The following PRIM2 variants were observed in gnomAD, a reference collection of about 807,000 sequenced individuals.
PRIM2 encodes DNA primase large subunit.
Under a neutral mutation model 67.3 loss-of-function variants are expected in PRIM2, and 39 were observed. The observed-to-expected ratio is 0.58, with a 90% CI of 0.45 to 0.76. The LOEUF (loss-of-function observed/expected upper bound fraction) is 0.76, where lower values mean the gene tolerates loss of function less well. PRIM2 is among the 30% of genes least tolerant of loss of function. The pLI is 0.00. For missense variants in PRIM2, 398 were observed against 598.7 expected, an observed-to-expected ratio of 0.66 and a Z score of 3.50; for synonymous variants, 143 against 198.7, an observed-to-expected ratio of 0.72 and a Z score of 2.36.
At chr6:57,291,402 G>A in the PRIM2 span, among the ~76,000 whole-genome samples, 47 of 152,220 alleles carry the variant, frequency 3.1e-4, 1 homozygote, top group East Asian at 7.7e-3. Context: ...ATTCACAGCC[G>A]AATTCTACCA....
chr6:57,524,019 G>A (rs1334752063), intron 8 of PRIM2, among the ~76,000 whole-genome samples: 14 of 151,866 alleles, frequency 9.2e-5, no homozygotes, highest in Non-Finnish European at 1.6e-4. Context: ...TACATTAGAC[G>A]TTTGTGAGAC....
At chr6:57,281,662 G>A in the PRIM2 span, among the ~76,000 whole-genome samples, 39 of 152,130 alleles carry the variant, frequency 2.6e-4, no homozygotes. Context: ...CCCTGGAGGA[G>A]TGGGAATTCT....
intron 7 of PRIM2, among the ~76,000 whole-genome samples, chr6:57,483,066 C>T (rs1773668389): frequency 1.3e-5 from 2 of 152,018 alleles, no homozygotes; most frequent in Non-Finnish European, 2.9e-5. Context: ...TGACACCACG[C>T]CTGGCTAATT....
chr6:57,538,362 A>G (rs1775043405), intron 10 of PRIM2, among the ~76,000 whole-genome samples: 1 of 152,118 alleles, frequency 6.6e-6, no homozygotes, highest in East Asian at 1.9e-4. Flanking sequence ...AATAATTACT[A>G]TAAACCTGAA....
chr6:57,511,263 T>A lies in PRIM2; in HGVS notation c.761+3809T>A, dbSNP rs2127460865. On this transcript the variant is annotated intron_variant, in intron 8 of 13. Transcript: ENST00000615550. ...CCAAACTGTTTTAGTTGAATCCAAT[T>A]CTCAAGTACAGAAAAACATCGTGCT... 2.0e-5 allele frequency among the ~76,000 whole-genome samples: 3 copies of A among 152,202 alleles called. No homozygotes were observed. In the East Asian group the frequency reaches 5.8e-4, roughly 29 times the overall value.
the PRIM2 span, among the ~76,000 whole-genome samples, chr6:57,289,608 C>T: frequency 8.5e-5 from 13 of 152,168 alleles, no homozygotes; most frequent in Non-Finnish European, 1.6e-4. Context: ...GCTGATCTCT[C>T]GGCAGAAACC....
intron 5 of PRIM2, among the ~76,000 whole-genome samples, chr6:57,331,591 T>G (rs1768060225): frequency 6.6e-6 from 1 of 152,200 alleles, no homozygotes; most frequent in African/African-American, 2.4e-5. Flanking sequence ...ATGAATCTAT[T>G]TAAGTTTTAT....
chr6:57,251,821 GGGCAACATCCA>G, the PRIM2 span, among the ~76,000 whole-genome samples: 1 of 152,018 alleles, frequency 6.6e-6, no homozygotes, highest in Non-Finnish European at 1.5e-5. Context: ...GCTTTCTTAG[GGGCAACATCCA>G]GGTTATTACA....
chr6:57,347,370 C>CA (rs1768712149), intron 5 of PRIM2, among the ~76,000 whole-genome samples: 1 of 152,172 alleles, frequency 6.6e-6, no homozygotes. Context: ...GAGAGATTAT[C>CA]ACTAATAGCT....
the PRIM2 span, among the ~76,000 whole-genome samples, chr6:57,274,093 C>T: frequency 6.6e-6 from 1 of 152,252 alleles, no homozygotes; most frequent in Non-Finnish European, 1.5e-5. Flanking sequence ...CTTGAGGAGG[C>T]AGTCTGCCCG....
intron 7 of PRIM2, among the ~76,000 whole-genome samples, chr6:57,446,968 C>T (rs1480102851): frequency 6.6e-6 from 1 of 152,172 alleles, no homozygotes; most frequent in Non-Finnish European, 1.5e-5. Flanking sequence ...AGTCCAGGCC[C>T]TGGAGCCTTC....
intron 7 of PRIM2, among the ~76,000 whole-genome samples, chr6:57,413,518 T>G (rs1316534279): frequency 6.6e-6 from 1 of 151,820 alleles, no homozygotes; most frequent in Non-Finnish European, 1.5e-5. Context: ...GTAAAAGAAA[T>G]AGAAAATTAG....
upstream of PRIM2, among the ~76,000 whole-genome samples, chr6:57,311,467 G>T (rs1767388281): frequency 6.7e-6 from 1 of 150,264 alleles, no homozygotes; most frequent in Non-Finnish European, 1.5e-5. Context: ...CTTCCTCCCA[G>T]ACTGGGCGGC....
the PRIM2 span, among the ~76,000 whole-genome samples, chr6:57,272,486 T>C: frequency 6.6e-6 from 1 of 152,242 alleles, no homozygotes; most frequent in African/African-American, 2.4e-5. Flanking sequence ...TTGGTAGATA[T>C]TCCTCCATCC....
intron 10 of PRIM2, among the ~76,000 whole-genome samples, chr6:57,588,971 A>G (rs1308353926): frequency 3.3e-5 from 5 of 152,278 alleles, no homozygotes; most frequent in African/African-American, 1.2e-4. Flanking sequence ...ATATGTGACC[A>G]ATCAATTTTA....
the PRIM2 span, among the ~76,000 whole-genome samples, chr6:57,270,293 C>T: frequency 6.6e-6 from 1 of 152,004 alleles, no homozygotes; most frequent in Non-Finnish European, 1.5e-5. Flanking sequence ...TCTTTGTATC[C>T]TCTTTTATTT....
At chr6:57,388,080 A>C (rs1456808776) in intron 7 of PRIM2, among the ~76,000 whole-genome samples, 1 of 152,168 alleles carries the variant, frequency 6.6e-6, no homozygotes, top group Non-Finnish European at 1.5e-5. Flanking sequence ...GCTACGGTAG[A>C]GTGCTACCAT....
At chr6:57,356,106 C>T (rs1043771260) in intron 5 of PRIM2, among the ~76,000 whole-genome samples, 14 of 152,144 alleles carry the variant, frequency 9.2e-5, no homozygotes, top group Admixed American at 5.9e-4. Context: ...AGGATGAGAG[C>T]GTGCTGTCTA....
chr6:57,225,905 C>T, the PRIM2 span, among the ~76,000 whole-genome samples: 4 of 152,142 alleles, frequency 2.6e-5, no homozygotes, highest in Admixed American at 6.5e-5. Flanking sequence ...CAGATTCAAA[C>T]AGATCATGCT....
Sources: gnomAD v4.1 joint callset for allele counts (sites outside exome capture counted in the v4.1 genomes callset) on GRCh38, gnomAD v4.1.1 for gene constraint, MANE v1.5 for transcripts, NCBI Gene and HGNC (gene_info 2026-07-23, HGNC 2026-07-21) for gene names.